Variants in MACROD2 observed in about 807,000 individuals in gnomAD.
MACROD2 encodes ADP-ribose glycohydrolase MACROD2.
A neutral mutation model predicts 70.4 loss-of-function variants in MACROD2; 36 were observed. That is an observed-to-expected ratio of 0.51 (90% CI 0.39 to 0.68). The LOEUF is 0.68. Among genes scored for constraint, MACROD2 ranks in the 30% least tolerant of loss-of-function variants. The pLI is 0.00. For synonymous variants in MACROD2, 172 were observed against 178.8 expected, an observed-to-expected ratio of 0.96 and a Z score of 0.30; for missense variants, 496 against 538.4, an observed-to-expected ratio of 0.92 and a Z score of 0.78.
At chr20:15,273,966 C>T (rs1031858990) in intron 6 of MACROD2, among the ~76,000 whole-genome samples, 1 of 152,162 alleles carries the variant, frequency 6.6e-6, no homozygotes, top group Non-Finnish European at 1.5e-5. Flanking sequence ...GGTTTGTTAG[C>T]AAATAAGCAC....
intron 5 of MACROD2, among the ~76,000 whole-genome samples, chr20:14,918,414 C>A (rs565353294): frequency 6.6e-6 from 1 of 152,080 alleles, no homozygotes; most frequent in Non-Finnish European, 1.5e-5. Context: ...GGTAAGGTAC[C>A]ATCCAGGCAA....
chr20:14,254,338 A>T (rs1412909159), intron 3 of MACROD2, among the ~76,000 whole-genome samples: 1 of 152,088 alleles, frequency 6.6e-6, no homozygotes, highest in Non-Finnish European at 1.5e-5. Flanking sequence ...AAGAATATAC[A>T]CTTGAATGTA....
intron 5 of MACROD2, among the ~76,000 whole-genome samples, chr20:14,726,087 A>G (rs574285227): frequency 6.6e-6 from 1 of 152,312 alleles, no homozygotes; most frequent in Non-Finnish European, 1.5e-5. Flanking sequence ...AGAGAATTCA[A>G]AATTCTTCAT....
chr20:15,318,377 A>C (rs545594439), intron 6 of MACROD2, among the ~76,000 whole-genome samples: 2 of 152,256 alleles, frequency 1.3e-5, no homozygotes, highest in East Asian at 3.9e-4. Flanking sequence ...AGATGGTTTT[A>C]CTGGTGAATC....
chr20:15,031,397 G>A (rs1195999662), intron 5 of MACROD2, among the ~76,000 whole-genome samples: 1 of 152,190 alleles, frequency 6.6e-6, no homozygotes, highest in Non-Finnish European at 1.5e-5. Flanking sequence ...CATCTGGTGG[G>A]TCTGAGTTCT....
chr20:14,965,769 T>C (rs1202912605), intron 5 of MACROD2, among the ~76,000 whole-genome samples: 2 of 151,938 alleles, frequency 1.3e-5, no homozygotes, highest in African/African-American at 4.8e-5. Flanking sequence ...CACCTGGCCT[T>C]AATATATATT....
intron 8 of MACROD2, among the ~76,000 whole-genome samples, chr20:15,636,508 C>T (rs1238795013): frequency 2.6e-5 from 4 of 152,100 alleles, no homozygotes; most frequent in African/African-American, 7.2e-5. Context: ...TTAATGGGTT[C>T]GGTTTCATGT....
intron 5 of MACROD2, among the ~76,000 whole-genome samples, chr20:14,983,302 G>C (rs752996316): frequency 1.5e-4 from 23 of 152,196 alleles, no homozygotes; most frequent in Non-Finnish European, 2.5e-4. Flanking sequence ...ACTTTGGACT[G>C]TGGACTTTTG....
intron 5 of MACROD2, among the ~76,000 whole-genome samples, chr20:14,826,331 A>G (rs756115357): frequency 2.0e-5 from 3 of 152,050 alleles, no homozygotes; most frequent in African/African-American, 4.8e-5. Flanking sequence ...CTATATCCCC[A>G]AGGTTTTAGC....
intron 3 of MACROD2, among the ~76,000 whole-genome samples, chr20:14,232,435 A>G (rs2081824582): frequency 6.6e-6 from 1 of 152,226 alleles, no homozygotes; most frequent in African/African-American, 2.4e-5. Flanking sequence ...CTTGTTTAGT[A>G]TAGCCACCTT....
chr20:14,965,946 T>A (rs1156607483), intron 5 of MACROD2, among the ~76,000 whole-genome samples: 1 of 152,168 alleles, frequency 6.6e-6, no homozygotes, highest in Non-Finnish European at 1.5e-5. Context: ...ATGGTGCAGT[T>A]GAAAAATATG....
intron 8 of MACROD2, among the ~76,000 whole-genome samples, chr20:15,677,014 A>G (rs1004200718): frequency 1.3e-5 from 2 of 152,262 alleles, no homozygotes; most frequent in African/African-American, 4.8e-5. Flanking sequence ...TATAACATAT[A>G]AATTGATGAC....
chr20:16,044,244 T>C (rs547108183), intron 16 of MACROD2, among the ~76,000 whole-genome samples: 2 of 152,016 alleles, frequency 1.3e-5, no homozygotes, highest in Non-Finnish European at 2.9e-5. Context: ...CCAGATCTCA[T>C]ATGAGCTCAC....
intron 3 of MACROD2, among the ~76,000 whole-genome samples, chr20:14,263,103 T>A (rs1285770783): frequency 6.6e-6 from 1 of 151,982 alleles, no homozygotes; most frequent in Non-Finnish European, 1.5e-5. Flanking sequence ...ATGTGGAGGG[T>A]GACTTTTCGT....
chr20:14,322,202 T>TATATATATATATATATA (rs1568553958), intron 3 of MACROD2, among the ~76,000 whole-genome samples: 3 of 53,746 alleles, frequency 5.6e-5, no homozygotes, highest in Non-Finnish European at 1.4e-4. Flanking sequence ...ATATATATAT[T>TATATATATATATATATA]TTGTATTTTG....
intron 3 of MACROD2, among the ~76,000 whole-genome samples, chr20:14,441,330 C>T (rs1407112742): frequency 3.9e-5 from 6 of 152,136 alleles, no homozygotes; most frequent in Non-Finnish European, 7.4e-5. Context: ...CTGGCAGCTG[C>T]GTCTTCATAA....
chr20:15,392,155 T>C (rs1741672379), intron 6 of MACROD2, among the ~76,000 whole-genome samples: 1 of 152,140 alleles, frequency 6.6e-6, no homozygotes, highest in Admixed American at 6.5e-5. Flanking sequence ...TGAAAGCTGG[T>C]ATTAAAGGTA....
chr20:14,623,682 C>G (rs1179863679), intron 4 of MACROD2, among the ~76,000 whole-genome samples: 2 of 152,116 alleles, frequency 1.3e-5, no homozygotes, highest in Admixed American at 1.3e-4. Flanking sequence ...GTGAGAGGAG[C>G]ATCATCATCC....
chr20:15,337,398 C>A (rs1656997656), intron 6 of MACROD2, among the ~76,000 whole-genome samples: 1 of 151,572 alleles, frequency 6.6e-6, no homozygotes, highest in Non-Finnish European at 1.5e-5. Context: ...AAAGGTAAAT[C>A]AAACCATTTT....
Sources: allele counts gnomAD v4.1 joint callset (sites outside exome capture counted in the v4.1 genomes callset), GRCh38; gene constraint gnomAD v4.1.1; transcripts MANE v1.5; gene names NCBI Gene and HGNC (gene_info 2026-07-23, HGNC 2026-07-21).